PARD3: variants seen among roughly 807,000 people sequenced by gnomAD.
PARD3 encodes the protein par-3 family cell polarity regulator, also known as partitioning defective 3 homolog.
A neutral mutation model predicts 155.4 loss-of-function variants in PARD3; 75 were observed. That is an observed-to-expected ratio of 0.48 (90% confidence interval 0.40 to 0.58). The LOEUF (loss-of-function observed/expected upper bound fraction) is 0.58, where lower values mean the gene tolerates loss of function less well. Among genes scored for constraint, PARD3 ranks in the 20% least tolerant of loss-of-function variants. The pLI is 0.00. For missense variants in PARD3, 1,642 were observed against 1,721.7 expected (o/e 0.95, Z 0.82); for synonymous variants, 576 against 610.5 (o/e 0.94, Z 0.83).
At chr10:34,490,642 T>C (rs2079836409) in intron 3 of PARD3, among the ~76,000 whole-genome samples, 1 of 152,174 alleles carries the variant, frequency 6.6e-6, no homozygotes, top group Non-Finnish European at 1.5e-5. Context: ...CCCAGTCAAA[T>C]GTTTAGTCAA....
chr10:34,711,444 C>A (rs1377219088), intron 1 of PARD3, among the ~76,000 whole-genome samples: 1 of 152,126 alleles, frequency 6.6e-6, no homozygotes, highest in Admixed American at 6.5e-5. Context: ...TCCCTTGAAC[C>A]CAGGAGGTGA....
chr10:34,588,671 T>C (rs996983608), intron 2 of PARD3, among the ~76,000 whole-genome samples: 3 of 152,144 alleles, frequency 2.0e-5, no homozygotes, highest in African/African-American at 7.2e-5. Context: ...AATAAATGTC[T>C]CACTTTCTCT....
At chr10:34,617,644 T>C (rs1265161739) in intron 2 of PARD3, among the ~76,000 whole-genome samples, 1 of 152,220 alleles carries the variant, frequency 6.6e-6, no homozygotes, top group Non-Finnish European at 1.5e-5. Flanking sequence ...TTTCAATTTG[T>C]CTATAGATAA....
chr10:34,468,526 A>G (rs1230854768), intron 4 of PARD3, among the ~76,000 whole-genome samples: 1 of 152,214 alleles, frequency 6.6e-6, no homozygotes, highest in Non-Finnish European at 1.5e-5. Context: ...AGACCCACTG[A>G]TAAACTGGAT....
At chr10:34,153,302 G>GC (rs1677948019) in intron 22 of PARD3, among the ~76,000 whole-genome samples, 1 of 152,098 alleles carries the variant, frequency 6.6e-6, no homozygotes, top group African/African-American at 2.4e-5. Flanking sequence ...GTGAGATACT[G>GC]CGCCTGTCCA....
At chr10:34,675,039 T>C (rs1329885705) in intron 2 of PARD3, among the ~76,000 whole-genome samples, 1 of 152,210 alleles carries the variant, frequency 6.6e-6, no homozygotes, top group Non-Finnish European at 1.5e-5. Flanking sequence ...TTACCTTTTC[T>C]ATCAAGGGGA....
chr10:34,573,170 T>C (rs939708256), intron 2 of PARD3, among the ~76,000 whole-genome samples: 2 of 151,500 alleles, frequency 1.3e-5, no homozygotes, highest in African/African-American at 4.9e-5. Flanking sequence ...CTGGGCAACA[T>C]AGCGAGAGGC....
chr10:34,267,745 C>T (rs1353099543), intron 22 of PARD3, among the ~76,000 whole-genome samples: 1 of 152,140 alleles, frequency 6.6e-6, no homozygotes, highest in Non-Finnish European at 1.5e-5. Context: ...ACATCTCTAG[C>T]CTTGTGAGGG....
chr10:34,471,147 TACTC>T (rs1357567508), intron 3 of PARD3, among the ~76,000 whole-genome samples: 1 of 152,184 alleles, frequency 6.6e-6, no homozygotes, highest in African/African-American at 2.4e-5. Context: ...AGACAGAAAA[TACTC>T]AAAGTAATAT....
In PARD3 at chr10:34,206,638, C is replaced by T. The variant is rs563779361; in HGVS notation, c.3419+63019G>A. On this transcript the variant is annotated intron_variant, in intron 22 of 24. Transcript: ENST00000374788. Reference sequence around the variant, plus strand: ...GGGCAGTGGGTGGAGAGAAGCAGCTCGGAGCAGTTCTGCAGTCATGTTTAT... The same window carrying T: ...GGGCAGTGGGTGGAGAGAAGCAGCTTGGAGCAGTTCTGCAGTCATGTTTAT... Among the ~76,000 whole-genome samples, 319 of 152,290 alleles carry T rather than the reference C, an allele frequency of 2.1e-3. 1 individual carries two copies. Among genetic ancestry groups the T allele is most frequent in the African/African-American group, 7.1e-3 (296 of 41,556 alleles).
At chr10:34,690,856 C>T (rs942724683) in intron 2 of PARD3, among the ~76,000 whole-genome samples, 13 of 152,320 alleles carry the variant, frequency 8.5e-5, no homozygotes, top group African/African-American at 2.4e-4. Context: ...GTGAGCACAG[C>T]AGCTGTCTCC....
At chr10:34,193,811 G>A (rs901569076) in intron 22 of PARD3, among the ~76,000 whole-genome samples, 2 of 152,168 alleles carry the variant, frequency 1.3e-5, no homozygotes, top group African/African-American at 4.8e-5. Context: ...CCCTTTATGA[G>A]AGAAAATTCA....
chr10:34,576,299 G>A (rs757755854), intron 2 of PARD3, among the ~76,000 whole-genome samples: 6 of 152,044 alleles, frequency 3.9e-5, no homozygotes, highest in Non-Finnish European at 5.9e-5. Flanking sequence ...CCCAATTCTC[G>A]CCATCCCGAC....
At chr10:34,413,567 C>G (rs1003838184) in intron 5 of PARD3, among the ~76,000 whole-genome samples, 1 of 151,878 alleles carries the variant, frequency 6.6e-6, no homozygotes, top group African/African-American at 2.4e-5. Flanking sequence ...CCCTTTTATC[C>G]AGATTCTTCT....
In PARD3 at chr10:34,739,680, A is replaced by G. The variant is rs187094985; in HGVS notation, c.121-43261T>C. ...CCTCAGTGGTGCTTTGGAATGTTCTAGAATGAATCAAAAGATCCTCACAGC... is the reference window on the plus strand; with the variant it reads ...CCTCAGTGGTGCTTTGGAATGTTCTGGAATGAATCAAAAGATCCTCACAGC... On this transcript the variant is annotated intron_variant, in intron 1 of 24. Coordinates refer to ENST00000374788, the MANE Select transcript of PARD3 (RefSeq NM_001184785.2). 2.0e-5 allele frequency among the ~76,000 whole-genome samples: 3 copies of G among 152,276 alleles called. No homozygotes were observed. The East Asian group carries it at 5.8e-4, about 29-fold the overall frequency.
chr10:34,667,115 C>G (rs1475490818), intron 2 of PARD3, among the ~76,000 whole-genome samples: 1 of 152,128 alleles, frequency 6.6e-6, no homozygotes, highest in Non-Finnish European at 1.5e-5. Context: ...TTGCAGTGAG[C>G]TGAGATGACA....
At chr10:34,808,460 A>G (rs4934664) in intron 1 of PARD3, among the ~76,000 whole-genome samples, 1 of 151,880 alleles carries the variant, frequency 6.6e-6, no homozygotes, top group Non-Finnish European at 1.5e-5. Context: ...AACAGGTAAA[A>G]CTGTATACAT....
intron 2 of PARD3, among the ~76,000 whole-genome samples, chr10:34,552,023 A>G (rs1311496523): frequency 6.6e-6 from 1 of 152,216 alleles, no homozygotes; most frequent in Non-Finnish European, 1.5e-5. Context: ...TGTATGTCCA[A>G]AATTGTGTTT....
chr10:34,317,882 GGC>G (rs1958107820), intron 19 of PARD3, among the ~76,000 whole-genome samples: 1 of 152,112 alleles, frequency 6.6e-6, no homozygotes, highest in Admixed American at 6.5e-5. Context: ...AGATTATTTT[GGC>G]TTATATCTAC....
Sources: allele counts gnomAD v4.1 joint callset (sites outside exome capture counted in the v4.1 genomes callset), GRCh38; gene constraint gnomAD v4.1.1; transcripts MANE v1.5; gene names NCBI Gene and HGNC (gene_info 2026-07-23, HGNC 2026-07-21).